Variants in NDUFA10 observed in about 807,000 individuals in gnomAD.
NDUFA10 encodes the protein NADH dehydrogenase [ubiquinone] 1 alpha subcomplex subunit 10, mitochondrial.
Under a neutral mutation model 47.8 loss-of-function variants are expected in NDUFA10, and 40 were observed. The observed-to-expected ratio is 0.84, with a 90% CI of 0.65 to 1.09. NDUFA10 has a LOEUF of 1.09. Ranked by LOEUF, NDUFA10 falls within the 50% of genes least tolerant of loss-of-function variation. The pLI is 0.00. For synonymous variants in NDUFA10, 183 were observed against 172.2 expected, an observed-to-expected ratio of 1.06 and a Z score of -0.49; for missense variants, 413 against 451.1, an observed-to-expected ratio of 0.92 and a Z score of 0.76.
intron 9 of NDUFA10, among the ~76,000 whole-genome samples, chr2:239,968,663 T>TC (rs2106405217): frequency 6.6e-6 from 1 of 152,216 alleles, no homozygotes; most frequent in East Asian, 1.9e-4. Flanking sequence ...GAAAAAGAGC[T>TC]CCAGAAATCT....
intron 5 of NDUFA10, among the ~76,000 whole-genome samples, chr2:239,893,171 G>A (rs1343432831): frequency 6.6e-6 from 1 of 152,210 alleles, no homozygotes; most frequent in Non-Finnish European, 1.5e-5. Context: ...AGGAAGCCAG[G>A]GCAGGGGGTG....
chr2:240,011,506 G>A (rs1697141968), intron 6 of NDUFA10, 111 bp downstream of exon 6: 9 of 806,034 alleles, frequency 1.1e-5, no homozygotes, highest in Non-Finnish European at 2.0e-5. Flanking sequence ...AAACATCTCA[G>A]ACAATATCCA....
chr2:239,924,007 A>C (rs1399830183), intron 4 of NDUFA10, among the ~76,000 whole-genome samples: 4 of 152,122 alleles, frequency 2.6e-5, no homozygotes, highest in Non-Finnish European at 5.9e-5. Flanking sequence ...GACATGGATC[A>C]ATTACTTGAA....
At chr2:239,953,228 G>A (rs1002409531), downstream of NDUFA10, among the ~76,000 whole-genome samples, 1 of 152,176 alleles carries the variant, frequency 6.6e-6, no homozygotes, top group African/African-American at 2.4e-5. Flanking sequence ...CAGCAGAGAG[G>A]AGAGGTGACT....
chr2:239,920,454 G>C (rs973961594), intron 4 of NDUFA10, among the ~76,000 whole-genome samples: 9 of 152,232 alleles, frequency 5.9e-5, no homozygotes, highest in African/African-American at 1.9e-4. Context: ...GAGCATCCGA[G>C]GGGGAGAAAA....
At chr2:239,977,139 C>T (rs1486751197) in intron 9 of NDUFA10, among the ~76,000 whole-genome samples, 1 of 152,154 alleles carries the variant, frequency 6.6e-6, no homozygotes, top group African/African-American at 2.4e-5. Context: ...TAAGGAAACA[C>T]AGACAAGAGA....
intron 4 of NDUFA10, among the ~76,000 whole-genome samples, chr2:239,908,239 G>A (rs111914418): frequency 6.6e-6 from 1 of 151,802 alleles, no homozygotes; most frequent in African/African-American, 2.4e-5. Flanking sequence ...ACACACCGGG[G>A]CCTGTTGTGG....
At chr2:239,939,456 G>A (rs1008712049) in intron 4 of NDUFA10, among the ~76,000 whole-genome samples, 6 of 152,248 alleles carry the variant, frequency 3.9e-5, no homozygotes, top group East Asian at 1.9e-4. Flanking sequence ...GGGGCCACCC[G>A]CGTACTCCAA....
intron 4 of NDUFA10, among the ~76,000 whole-genome samples, chr2:239,941,897 ATTACAT>A (rs1433525840): frequency 2.0e-5 from 3 of 152,216 alleles, no homozygotes; most frequent in African/African-American, 7.2e-5. Context: ...GCTATTTTAA[ATTACAT>A]TTAATTTATT....
chr2:240,007,279 G>A (rs1175634241), intron 7 of NDUFA10, 37 bp downstream of exon 7: 2 of 1,463,714 alleles, frequency 1.4e-6, no homozygotes, highest in Non-Finnish European at 9.5e-7. Context: ...TGAATCAAAT[G>A]TAGGAATAAC....
intron 9 of NDUFA10, among the ~76,000 whole-genome samples, chr2:239,978,828 C>T (rs192758404): frequency 2.6e-4 from 39 of 152,234 alleles, no homozygotes; most frequent in Admixed American, 8.5e-4. Flanking sequence ...TAGGTGTGGG[C>T]GAACCACCTG....
chr2:240,014,472 A>G, intron 5 of NDUFA10: 1 of 486,446 alleles, frequency 2.1e-6, no homozygotes. Flanking sequence ...CCAGCCTCCC[A>G]AGTTTAAACA....
rs538141496 is a variant in NDUFA10, at chr2:239,945,521, C to T, written c.294+44553G>A. Reference sequence around the variant, plus strand: ...CGAGGCTCCCTGCGCCCCACCGAGCCGGTCAGGGCTGCAGTCTACCCCGTA... The same window carrying T: ...CGAGGCTCCCTGCGCCCCACCGAGCTGGTCAGGGCTGCAGTCTACCCCGTA... On this transcript the variant is annotated intron_variant, in intron 4 of 5. Transcript: ENST00000419408. This position sits in a 1 kb window ranked among gnomAD's most constrained non-coding sequence, Gnocchi z 4.6. Among the ~76,000 whole-genome samples, 5 of 152,274 alleles carry T rather than the reference C, an allele frequency of 3.3e-5. No homozygotes were observed. The highest frequency in any genetic ancestry group is 2.1e-4 in the South Asian group (1 of 4,826).
In NDUFA10 at chr2:240,005,286, C is replaced by G; in HGVS notation, c.814G>C (p.Asp272His). The G allele has an allele frequency of 6.2e-7, 1 of 1,613,716 alleles. No individual in the cohort carries two copies. Among genetic ancestry groups the G allele is most frequent in the Non-Finnish European group, 8.5e-7 (1 of 1,179,638 alleles). The change falls in exon 8 of 10, where the codon GAC becomes CAC. Residue 272 changes from aspartate to histidine, a missense_variant. Physicochemically the swap from Asp to His is moderately conservative, Grantham distance 81 (BLOSUM62 -1). Coordinates refer to ENST00000252711, the MANE Select transcript of NDUFA10 (RefSeq NM_004544.4). The stretch of plus-strand genomic sequence containing the variant: ...TTATCGAACTTCAGGTATTCAATGT[C>G]CTCTACCACCTAAGACAGGAAAAAT... ...EAQDSKKVVEDIEYLKFDKGP... is the reference protein window; with the variant it reads ...EAQDSKKVVEHIEYLKFDKGP...
intron 4 of NDUFA10, among the ~76,000 whole-genome samples, chr2:239,926,566 AG>A (rs1389868473): frequency 1.3e-5 from 2 of 152,192 alleles, no homozygotes; most frequent in African/African-American, 4.8e-5. Flanking sequence ...TTATATTTTT[AG>A]TACACTATAC....
rs1408114658 is a variant in NDUFA10 at position 239,987,268 on chromosome 2, C to T, written c.999+2806G>A. Among the ~76,000 whole-genome samples the T allele has an allele frequency of 1.3e-5, 2 of 152,008 alleles. No individual in the cohort carries two copies. Among genetic ancestry groups the T allele is most frequent in the Non-Finnish European group, 2.9e-5 (2 of 68,012 alleles). ...TGTCCTGGGGTTGTGGAGGAGAACA[C>T]CCTTGTTTGTGAGAATTACACATTC... is the stretch of plus-strand genomic sequence containing the variant. On this transcript the variant is annotated intron_variant, in intron 9 of 9. Transcript: ENST00000252711. This position sits in a 1 kb window ranked among gnomAD's most constrained non-coding sequence, Gnocchi z 4.8.
intron 4 of NDUFA10, among the ~76,000 whole-genome samples, chr2:239,943,460 A>G (rs1694394113): frequency 6.6e-6 from 1 of 152,102 alleles, no homozygotes; most frequent in African/African-American, 2.4e-5. Context: ...TCAGCCTCCC[A>G]AAGTGTTGGG....
intron 9 of NDUFA10, among the ~76,000 whole-genome samples, chr2:239,972,852 T>C (rs1695357378): frequency 1.3e-5 from 2 of 152,312 alleles, no homozygotes; most frequent in Middle Eastern, 3.4e-3. Context: ...CTGAAAATGG[T>C]ATGCTTTCTA....
intron 4 of NDUFA10, among the ~76,000 whole-genome samples, chr2:239,925,948 A>G (rs986223331): frequency 1.3e-5 from 2 of 152,362 alleles, no homozygotes; most frequent in Admixed American, 1.3e-4. Context: ...ATGAAATATC[A>G]CTATACATCT....
Sources: allele counts gnomAD v4.1 joint callset (sites outside exome capture counted in the v4.1 genomes callset), GRCh38; gene constraint gnomAD v4.1.1; non-coding constraint Gnocchi (gnomAD v3.1); transcripts MANE v1.5; gene names NCBI Gene and HGNC (gene_info 2026-07-23, HGNC 2026-07-21).